ANK1: variants seen among roughly 807,000 people sequenced by gnomAD.
The protein encoded by ANK1 is ankyrin-1.
ANK1 carries 51 observed loss-of-function variants against 210.4 expected under a neutral mutation model. The observed-to-expected ratio is 0.24, with a 90% CI of 0.19 to 0.31. The LOEUF is 0.31. Among genes scored for constraint, ANK1 ranks in the 10% least tolerant of loss-of-function variants. ANK1 has a pLI of 1.00. For synonymous variants in ANK1, 967 were observed against 1,025.9 expected, an observed-to-expected ratio of 0.94 and a Z score of 1.10; for missense variants, 2,051 against 2,504.4, an observed-to-expected ratio of 0.82 and a Z score of 3.86.
At position 41,704,589 on chromosome 8, in the gene ANK1, CATTGACAAGCTGA is replaced by C; in HGVS notation, c.2098-130_2098-118del. On this transcript the variant is annotated intron_variant, in intron 18 of 42. Transcript: ENST00000289734. This position sits in a 1 kb window ranked among gnomAD's most constrained non-coding sequence, Gnocchi z 4.1. ...GGACAGGGAGCCCCTTGAAGGCTGA[CATTGACAAGCTGA>C]ATGGCTGCTGCTGGGCAGAGACCAC... The C allele has an allele frequency of 1.1e-6, 1 of 876,434 alleles. No individual in the cohort carries two copies. The highest frequency in any genetic ancestry group is 1.9e-6 in the Non-Finnish European group (1 of 531,966). The allele number at this position is 876,434 out of a possible 1,614,324, so 54.3% of individuals were successfully genotyped here. A position where few individuals can be genotyped will look rare whatever the true frequency, so the allele number is the denominator to read the frequency against.
chr8:41,813,662 G>T (rs1443299729), intron 1 of ANK1, among the ~76,000 whole-genome samples: 1 of 152,060 alleles, frequency 6.6e-6, no homozygotes. Context: ...CTTTTAATAG[G>T]GAATCTCAGA....
At chr8:41,786,347 G>T (rs906310080) in intron 1 of ANK1, among the ~76,000 whole-genome samples, 2 of 152,218 alleles carry the variant, frequency 1.3e-5, no homozygotes, top group Non-Finnish European at 2.9e-5. Flanking sequence ...CTGTAGACAG[G>T]CTCCACCCAG....
Position 41,696,353 on chromosome 8 carries a change from G to T in ANK1, c.2960+10C>A. The T allele has an allele frequency of 1.9e-6, 3 of 1,612,756 alleles. No individual in the cohort carries two copies. The highest frequency in any genetic ancestry group is 2.5e-6 in the Non-Finnish European group (3 of 1,179,752). On this transcript the variant is annotated intron_variant, in intron 26 of 42. Transcript: ENST00000289734. ...ACAGGGGAGAACACGGGCTGCCCGC[G>T]CAAGCTCACCTCAGGAACTGTGCCC...
At chr8:41,895,286 C>A (rs973957441) in intron 1 of ANK1, among the ~76,000 whole-genome samples, 1 of 152,170 alleles carries the variant, frequency 6.6e-6, no homozygotes, top group African/African-American at 2.4e-5. Flanking sequence ...GCAGGCTGGG[C>A]CCCACATCGA....
chr8:41,704,561 A>G lies in ANK1; in HGVS notation c.2098-89T>C, dbSNP rs1824038461. The G allele has an allele frequency of 8.5e-7, 1 of 1,174,682 alleles. No individual in the cohort carries two copies. Among genetic ancestry groups the G allele is most frequent in the South Asian group, 1.2e-5 (1 of 80,636 alleles). The allele number at this position is 1,174,682 out of a possible 1,614,324, so 72.8% of individuals were successfully genotyped here. On this transcript the variant is annotated intron_variant, in intron 18 of 42. Coordinates refer to ENST00000289734, the MANE Select transcript of ANK1 (RefSeq NM_000037.4). This position sits in a 1 kb window ranked among gnomAD's most constrained non-coding sequence, Gnocchi z 4.1. ...CCCAAAGCAGCTGATTCAAAGAGAG[A>G]ACGGACAGGGAGCCCCTTGAAGGCT...
chr8:41,807,999 G>A (rs908088407), intron 1 of ANK1, among the ~76,000 whole-genome samples: 1 of 151,920 alleles, frequency 6.6e-6, no homozygotes, highest in Admixed American at 6.6e-5. Context: ...AGAGGATGAT[G>A]AAAGAGGAAG....
intron 7 of ANK1, 108 bp from the exon 8 acceptor site, chr8:41,723,741 G>C: frequency 3.5e-6 from 3 of 847,654 alleles, no homozygotes; most frequent in Non-Finnish European, 5.8e-6. Flanking sequence ...GCCTGCAACA[G>C]CGTTGTCAGG....
At chr8:41,666,599 G>A (rs2150553851) in intron 39 of ANK1, among the ~76,000 whole-genome samples, 1 of 152,342 alleles carries the variant, frequency 6.6e-6, no homozygotes, top group Admixed American at 6.5e-5. Context: ...CAAGTTACAT[G>A]CAATCTCTCT....
At chr8:41,699,578 G>A (rs78358384) in intron 22 of ANK1, 30 bp from the exon 23 acceptor site, 28,068 of 1,599,636 alleles carry the variant, frequency 0.018, 490 homozygotes, top group African/African-American at 0.087. Flanking sequence ...AGTGAGCGAC[G>A]GGGTAGAGGA....
At chr8:41,881,886 C>A (rs1817650611) in intron 1 of ANK1, among the ~76,000 whole-genome samples, 1 of 152,174 alleles carries the variant, frequency 6.6e-6, no homozygotes, top group South Asian at 2.1e-4. Flanking sequence ...ACAGATGGTC[C>A]TTGCCTTCCC....
At chr8:41,803,631 G>C (rs1850505628) in intron 1 of ANK1, among the ~76,000 whole-genome samples, 1 of 151,462 alleles carries the variant, frequency 6.6e-6, no homozygotes, top group African/African-American at 2.4e-5. Flanking sequence ...TGTTTATCTA[G>C]TTGCTGACTT....
chr8:41,682,876 T>C (rs555554674), intron 37 of ANK1, among the ~76,000 whole-genome samples: 1 of 152,284 alleles, frequency 6.6e-6, no homozygotes, highest in South Asian at 2.1e-4. Context: ...TCACTAGAAT[T>C]TCCCCAGGTT....
intron 1 of ANK1, among the ~76,000 whole-genome samples, chr8:41,876,397 AG>A (rs1386727712): frequency 1.3e-5 from 2 of 152,202 alleles, no homozygotes; most frequent in Non-Finnish European, 2.9e-5. Context: ...CCACCCGGAG[AG>A]GGGCTGACAC....
At chr8:41,798,704 T>C (rs544277862), upstream of ANK1, among the ~76,000 whole-genome samples, 36 of 152,222 alleles carry the variant, frequency 2.4e-4, no homozygotes, top group African/African-American at 7.9e-4. Flanking sequence ...CCCTGGACCC[T>C]GGGGGTGGTG....
chr8:41,679,558 C>CTTTT lies in ANK1; in HGVS notation c.4537+4982_4537+4985dup, dbSNP rs869249907. 9.3e-3 allele frequency among the ~76,000 whole-genome samples: 836 copies of CTTTT among 90,160 alleles called. 17 individuals are homozygous for CTTTT. The highest frequency in any genetic ancestry group is 0.012 in the East Asian group (34 of 2,902). The allele number at this position is 90,160 out of a possible 152,430, so 59.1% of individuals were successfully genotyped here. On this transcript the variant is annotated intron_variant, in intron 37 of 42. Transcript: ENST00000289734. ...AGCTGTCTTGGTCTTCCTGGACTTT[C>CTTTT]TTTTTTTTTTTTTTTTTTTTTTGAG...
At chr8:41,799,957 T>G (rs780654424), upstream of ANK1, among the ~76,000 whole-genome samples, 1 of 152,172 alleles carries the variant, frequency 6.6e-6, no homozygotes, top group Non-Finnish European at 1.5e-5. Flanking sequence ...AGGCATGTCA[T>G]GGACTGTGAA....
Position 41,672,674 on chromosome 8 carries a change from G to A in ANK1, c.4776C>T (p.Asp1592=), listed in dbSNP as rs1273244244. The A allele has an allele frequency of 7.4e-6, 12 of 1,614,052 alleles. No individual in the cohort carries two copies. Among genetic ancestry groups the A allele is most frequent in the Non-Finnish European group, 1.0e-5 (12 of 1,180,028 alleles). The stretch of plus-strand genomic sequence containing the variant: ...TCCACTCGTGACCTGTGGCATCAGA[G>A]TCCTCAGCCTTGCTACACTCCAGAG... The part of the protein sequence containing the change: ...DSSLECSKAE[D]SDATGHEWKL... The change falls in exon 38 of 43, where the codon GAC becomes GAT. Residue 1592 remains aspartate (D), a synonymous_variant. Coordinates refer to ENST00000289734, the MANE Select transcript of ANK1 (RefSeq NM_000037.4).
Position 41,755,654 on chromosome 8 carries a change from G to A in ANK1, c.129+2382C>T, listed in dbSNP as rs553199801. ...AGCCTGTGCAGCTGCTTCTGGAGGT[G>A]CAGTGCTAAGAAGGTCCCAGACCCT... On this transcript the variant is annotated intron_variant, in intron 2 of 42. Transcript: ENST00000289734. 2.6e-5 allele frequency among the ~76,000 whole-genome samples: 4 copies of A among 152,286 alleles called. No homozygotes were observed. The South Asian group carries it at 6.2e-4, about 24-fold the overall frequency.
intron 1 of ANK1, among the ~76,000 whole-genome samples, chr8:41,761,619 G>A (rs991936532): frequency 1.3e-5 from 2 of 152,158 alleles, no homozygotes; most frequent in African/African-American, 4.8e-5. Flanking sequence ...AAGCCACTAA[G>A]TGTGTGGCGA....
Sources: allele counts gnomAD v4.1 joint callset (sites outside exome capture counted in the v4.1 genomes callset), GRCh38; gene constraint gnomAD v4.1.1; non-coding constraint Gnocchi (gnomAD v3.1); transcripts MANE v1.5; gene names NCBI Gene and HGNC (gene_info 2026-07-23, HGNC 2026-07-21).